Variants in SYT14 observed in about 807,000 individuals in gnomAD.
SYT14 encodes synaptotagmin-14.
SYT14 carries 32 observed loss-of-function variants against 74.2 expected under a neutral mutation model. That is an observed-to-expected ratio of 0.43 (90% CI 0.33 to 0.58). The LOEUF (loss-of-function observed/expected upper bound fraction) is 0.58. Among genes scored for constraint, SYT14 ranks in the 20% least tolerant of loss-of-function variants. The probability of loss-of-function intolerance (pLI) is 0.05; values close to 1 mark genes in which losing one functional copy is unlikely to be tolerated. For missense variants in SYT14, 791 were observed against 981.8 expected (o/e 0.81, Z 2.60); for synonymous variants, 298 against 337.7 (o/e 0.88, Z 1.29).
intron 2 of SYT14, among the ~76,000 whole-genome samples, chr1:209,990,524 C>CAT (rs1367996952): frequency 4.7e-3 from 16 of 3,384 alleles, no homozygotes; most frequent in Non-Finnish European, 0.031. Flanking sequence ...GAATATTTCA[C>CAT]ATATATATAT....
At chr1:210,017,205 A>G in intron 4 of SYT14, 1 of 750,538 alleles carries the variant, frequency 1.3e-6, no homozygotes, top group Non-Finnish European at 1.8e-6. Context: ...ATGTGTCTAT[A>G]TTTAAGACTT....
chr1:209,970,216 T>G (rs2102748419), intron 2 of SYT14, among the ~76,000 whole-genome samples: 1 of 152,304 alleles, frequency 6.6e-6, no homozygotes, highest in African/African-American at 2.4e-5. Flanking sequence ...TTTAAGTCTT[T>G]AATCCATCTT....
At chr1:210,156,745 G>C (rs934315307) in intron 8 of SYT14, 1 of 133,540 alleles carries the variant, frequency 7.5e-6, no homozygotes, top group African/African-American at 2.9e-5. Context: ...CTAGGCTGGA[G>C]TGCAATAGCA....
chr1:210,055,980 C>T (rs1332275843), intron 5 of SYT14, among the ~76,000 whole-genome samples: 1 of 152,052 alleles, frequency 6.6e-6, no homozygotes, highest in Non-Finnish European at 1.5e-5. Context: ...ATTTTTGATG[C>T]TATTTTTAAA....
chr1:210,110,912 C>T (rs1282989554), intron 7 of SYT14, among the ~76,000 whole-genome samples: 7 of 152,038 alleles, frequency 4.6e-5, no homozygotes, highest in Admixed American at 3.9e-4. Flanking sequence ...ACCCAGCTAA[C>T]TTTGTATTTT....
chr1:209,983,760 CTTTCTTG>C (rs944992495), intron 2 of SYT14, among the ~76,000 whole-genome samples: 2 of 152,160 alleles, frequency 1.3e-5, no homozygotes, highest in Admixed American at 1.3e-4. Flanking sequence ...ATGGGCCATA[CTTTCTTG>C]TTTCTTTGAA....
intron 2 of SYT14, among the ~76,000 whole-genome samples, chr1:209,957,519 T>C (rs1464007620): frequency 1.3e-5 from 2 of 151,996 alleles, no homozygotes; most frequent in Non-Finnish European, 2.9e-5. Context: ...CTCCACCTCC[T>C]GGGTTCAGGG....
At chr1:209,938,851 TG>T (rs1015346173) in intron 1 of SYT14, among the ~76,000 whole-genome samples, 1 of 152,026 alleles carries the variant, frequency 6.6e-6, no homozygotes, top group African/African-American at 2.4e-5. Context: ...CCAGGAAATT[TG>T]GGGTTAGGTT....
At chr1:210,022,897 C>G (rs1415519367) in intron 5 of SYT14, among the ~76,000 whole-genome samples, 1 of 152,052 alleles carries the variant, frequency 6.6e-6, no homozygotes, top group Non-Finnish European at 1.5e-5. Context: ...GAGCACTTCT[C>G]GGTAGTTCTG....
chr1:210,148,995 T>C (rs1230376142), intron 7 of SYT14, among the ~76,000 whole-genome samples: 3 of 152,098 alleles, frequency 2.0e-5, no homozygotes, highest in Admixed American at 1.3e-4. Context: ...TATTTATACA[T>C]ATATATTCTT....
intron 7 of SYT14, among the ~76,000 whole-genome samples, chr1:210,101,987 T>G (rs1426480618): frequency 6.6e-6 from 1 of 152,216 alleles, no homozygotes. Flanking sequence ...TGGACCTACA[T>G]TACGTGTGTT....
intron 7 of SYT14, among the ~76,000 whole-genome samples, chr1:210,153,757 T>C (rs1392062205): frequency 6.6e-6 from 1 of 152,214 alleles, no homozygotes; most frequent in Non-Finnish European, 1.5e-5. Flanking sequence ...TTAGTAAGGC[T>C]AGGATCTTCA....
Position 210,013,846 on chromosome 1 carries a change from A to G in SYT14, c.-321+49A>G. On this transcript the variant is annotated intron_variant, in intron 3 of 9. Coordinates refer to ENST00000637265, the Ensembl canonical transcript of SYT14. ...CTTGTTTGTTCTTTTTATCCGTACT[A>G]TTATTTACTTATTTTAATATATGCA... The G allele has an allele frequency of 2.6e-6, 4 of 1,557,454 alleles. No homozygotes were observed. In the South Asian group the frequency reaches 3.6e-5, roughly 14 times the overall value.
Position 210,151,097 on chromosome 1 carries a change from G to C in SYT14, c.2035-4624G>C, listed in dbSNP as rs139586551. On this transcript the variant is annotated intron_variant, in intron 7 of 9. Transcript: ENST00000637265. ...AGGGCAGAAGACTCAGGGGGAAGGA[G>C]GGGAAGTATTAAAAAGAAGTAAAAT... Among the ~76,000 whole-genome samples, 24 of 152,290 alleles carry C rather than the reference G, an allele frequency of 1.6e-4. No individual in the cohort carries two copies. The East Asian group carries it at 4.2e-3, about 27-fold the overall frequency.
intron 7 of SYT14, among the ~76,000 whole-genome samples, chr1:210,134,034 TTTGA>T (rs969939559): frequency 4.6e-5 from 7 of 151,892 alleles, no homozygotes; most frequent in African/African-American, 1.7e-4. Context: ...ATAGTTACAA[TTTGA>T]TTGGTTAGGT....
chr1:210,125,475 G>A (rs945077111), intron 7 of SYT14, among the ~76,000 whole-genome samples: 19 of 152,096 alleles, frequency 1.2e-4, no homozygotes, highest in African/African-American at 4.1e-4. Flanking sequence ...TGCAATGGCC[G>A]TGAAGACTTT....
At position 210,118,366 on chromosome 1, in the gene SYT14, C is replaced by T. The variant is rs554996560; in HGVS notation, c.2034+17905C>T. On this transcript the variant is annotated intron_variant, in intron 7 of 9. Transcript: ENST00000637265. Reference sequence around the variant, plus strand: ...ATCTAGATTATGGACATCCTGAAAACATGCCTTCTTCATTATTATCAACAT... The same window carrying T: ...ATCTAGATTATGGACATCCTGAAAATATGCCTTCTTCATTATTATCAACAT... 3.4e-3 allele frequency among the ~76,000 whole-genome samples: 522 copies of T among 152,220 alleles called. 4 individuals carry two copies. Among genetic ancestry groups the T allele is most frequent in the Non-Finnish European group, 5.1e-3 (349 of 68,012 alleles).
intron 2 of SYT14, among the ~76,000 whole-genome samples, chr1:209,995,523 C>T (rs1364156894): frequency 6.6e-6 from 1 of 152,110 alleles, no homozygotes; most frequent in Non-Finnish European, 1.5e-5. Context: ...ATATAGACAA[C>T]CACGTAATAA....
chr1:210,083,192 A>G (rs1046802470), intron 5 of SYT14, among the ~76,000 whole-genome samples: 10 of 152,078 alleles, frequency 6.6e-5, no homozygotes, highest in Admixed American at 3.3e-4. Context: ...GGGCCTCACT[A>G]TCTTGGCCAG....
Sources: allele counts gnomAD v4.1 joint callset (sites outside exome capture counted in the v4.1 genomes callset), GRCh38; gene constraint gnomAD v4.1.1; transcripts MANE v1.5; gene names NCBI Gene and HGNC (gene_info 2026-07-23, HGNC 2026-07-21).